Variants in ZNF407 observed in about 807,000 individuals in gnomAD.
The protein encoded by ZNF407 is zinc finger protein 407.
In ZNF407, 17 loss-of-function variants were observed where a neutral mutation model predicts 131.2. The ratio of observed to expected loss-of-function variants is 0.13; its 90% confidence interval spans 0.09 to 0.19. ZNF407 has a LOEUF of 0.19. Among genes scored for constraint, ZNF407 ranks in the 10% least tolerant of loss-of-function variants. The pLI is 1.00. For missense variants in ZNF407, 2,681 were observed against 2,830.6 expected, an observed-to-expected ratio of 0.95 and a Z score of 1.20; for synonymous variants, 1,156 against 1,062.0, an observed-to-expected ratio of 1.09 and a Z score of -1.72.
intron 2 of ZNF407, among the ~76,000 whole-genome samples, chr18:74,636,497 G>T (rs1359743882): frequency 6.6e-6 from 1 of 152,072 alleles, no homozygotes; most frequent in African/African-American, 2.4e-5. Context: ...TGTCTCCATG[G>T]TTGAATTTAT....
intron 7 of ZNF407, among the ~76,000 whole-genome samples, chr18:74,898,774 C>T (rs532284720): frequency 6.6e-6 from 1 of 152,250 alleles, no homozygotes; most frequent in African/African-American, 2.4e-5. Context: ...ACTTTTAACA[C>T]ATACATGAAA....
At chr18:74,836,439 T>G (rs758052545) in intron 4 of ZNF407, among the ~76,000 whole-genome samples, 4 of 152,226 alleles carry the variant, frequency 2.6e-5, no homozygotes, top group Non-Finnish European at 5.9e-5. Flanking sequence ...TGTGTGTGTA[T>G]TTGGGGAATG....
intron 1 of ZNF407, among the ~76,000 whole-genome samples, chr18:74,604,456 C>A (rs1341094722): frequency 2.6e-5 from 4 of 152,220 alleles, no homozygotes; most frequent in African/African-American, 9.6e-5. Flanking sequence ...ACAAGAGCCA[C>A]AGCTTGCCAG....
intron 4 of ZNF407, among the ~76,000 whole-genome samples, chr18:74,790,354 C>T (rs1305274742): frequency 1.3e-5 from 2 of 152,086 alleles, no homozygotes; most frequent in African/African-American, 4.8e-5. Context: ...ATGAAGCTTC[C>T]AGTTGCCCTT....
chr18:74,680,477 G>A (rs771168048), intron 3 of ZNF407, among the ~76,000 whole-genome samples: 4 of 151,772 alleles, frequency 2.6e-5, no homozygotes, highest in East Asian at 1.9e-4. Context: ...TAAAGTCACC[G>A]AGGATGTCTT....
At chr18:74,919,931 C>T (rs1019502875) in intron 7 of ZNF407, among the ~76,000 whole-genome samples, 1 of 152,186 alleles carries the variant, frequency 6.6e-6, no homozygotes, top group Non-Finnish European at 1.5e-5. Context: ...GTTGCATTTT[C>T]CATGCCATCA....
chr18:75,013,225 G>A (rs1270327720), intron 8 of ZNF407, among the ~76,000 whole-genome samples: 6 of 152,142 alleles, frequency 3.9e-5, no homozygotes, highest in Non-Finnish European at 7.4e-5. Flanking sequence ...GCAATTGTAG[G>A]AAAGTGGGTT....
At chr18:74,686,442 T>C (rs2144788458) in intron 3 of ZNF407, among the ~76,000 whole-genome samples, 1 of 152,330 alleles carries the variant, frequency 6.6e-6, no homozygotes, top group East Asian at 1.9e-4. Context: ...CACTTCTGAC[T>C]ATTCTCTGTG....
In ZNF407 at chr18:74,811,072, T is replaced by C. The variant is rs564474389; in HGVS notation, c.4877+29570T>C. Among the ~76,000 whole-genome samples the C allele has an allele frequency of 2.3e-3, 352 of 152,070 alleles. 3 individuals are homozygous for C. Among genetic ancestry groups the C allele is most frequent in the African/African-American group, 8.1e-3 (336 of 41,460 alleles). ...TTCTGTACAGCAAAAGAAACTACCA[T>C]CAGAGTGAACAGGCAACCTACAAAA... On this transcript the variant is annotated intron_variant, in intron 4 of 8. Coordinates refer to ENST00000299687, the MANE Select transcript of ZNF407 (RefSeq NM_017757.3).
intron 8 of ZNF407, among the ~76,000 whole-genome samples, chr18:75,038,573 C>T (rs967605362): frequency 1.3e-4 from 19 of 151,962 alleles, no homozygotes; most frequent in Admixed American, 1.0e-3. Flanking sequence ...GTGTTAGGGA[C>T]AACGAAAAGG....
intron 7 of ZNF407, among the ~76,000 whole-genome samples, chr18:74,915,504 A>ATG (rs1971741558): frequency 1.2e-5 from 1 of 82,362 alleles, no homozygotes; most frequent in Non-Finnish European, 2.4e-5. Context: ...GTGTTCATGC[A>ATG]TGTGTGTGCT....
At chr18:75,021,810 GAAT>G (rs1362085099) in intron 8 of ZNF407, among the ~76,000 whole-genome samples, 1 of 151,858 alleles carries the variant, frequency 6.6e-6, no homozygotes, top group African/African-American at 2.4e-5. Flanking sequence ...CTCATAATTT[GAAT>G]AAAAGAACTA....
intron 4 of ZNF407, among the ~76,000 whole-genome samples, chr18:74,876,627 T>C (rs947110352): frequency 6.6e-6 from 1 of 152,244 alleles, no homozygotes. Context: ...TTTGTAAAAA[T>C]GTATAGTTAC....
At chr18:74,858,179 T>G (rs1161766593) in intron 4 of ZNF407, among the ~76,000 whole-genome samples, 1 of 140,370 alleles carries the variant, frequency 7.1e-6, no homozygotes, top group Non-Finnish European at 1.6e-5. Flanking sequence ...CCCTCCCTCC[T>G]TCTTTCCTTT....
chr18:74,894,158 C>T (rs759367203), intron 7 of ZNF407, among the ~76,000 whole-genome samples: 3 of 151,968 alleles, frequency 2.0e-5, no homozygotes, highest in Non-Finnish European at 2.9e-5. Flanking sequence ...TAAATGTAAA[C>T]GTGTACCTCC....
At chr18:75,011,072 T>C (rs1972968929) in intron 8 of ZNF407, among the ~76,000 whole-genome samples, 1 of 152,166 alleles carries the variant, frequency 6.6e-6, no homozygotes, top group Non-Finnish European at 1.5e-5. Flanking sequence ...AATTAGTGGG[T>C]TGAAAAGCTG....
At position 74,990,875 on chromosome 18, in the gene ZNF407, C is replaced by T. The variant is rs552510792; in HGVS notation, c.5428+70183C>T. Among the ~76,000 whole-genome samples, 9 of 152,218 alleles carry T rather than the reference C, an allele frequency of 5.9e-5. No homozygotes were observed. In the South Asian group the frequency reaches 1.2e-3, roughly 21 times the overall value. Reference sequence around the variant, plus strand: ...TTTACTAAAGAATGTCAGCTGAACTCGTGGGGAAGGGGAAGTGCTGATATG... The same window carrying T: ...TTTACTAAAGAATGTCAGCTGAACTTGTGGGGAAGGGGAAGTGCTGATATG... On this transcript the variant is annotated intron_variant, in intron 8 of 8. Transcript: ENST00000299687.
At chr18:74,650,819 T>C (rs1446528423) in intron 3 of ZNF407, among the ~76,000 whole-genome samples, 9 of 152,192 alleles carry the variant, frequency 5.9e-5, no homozygotes, top group Non-Finnish European at 2.9e-5. Context: ...TTCACTGTAA[T>C]TAAATATTTT....
chr18:74,874,588 G>A (rs1427358250), intron 4 of ZNF407, among the ~76,000 whole-genome samples: 1 of 152,082 alleles, frequency 6.6e-6, no homozygotes, highest in Admixed American at 6.5e-5. Flanking sequence ...CCGGGACTGT[G>A]CATCTCCCGT....
Sources: gnomAD v4.1 joint callset for allele counts (sites outside exome capture counted in the v4.1 genomes callset) on GRCh38, gnomAD v4.1.1 for gene constraint, MANE v1.5 for transcripts, NCBI Gene and HGNC (gene_info 2026-07-23, HGNC 2026-07-21) for gene names.